NEMP2: variants seen among roughly 807,000 people sequenced by gnomAD.
The protein encoded by NEMP2 is nuclear envelope integral membrane protein 2.
A neutral mutation model predicts 54.2 loss-of-function variants in NEMP2; 53 were observed. The ratio of observed to expected loss-of-function variants is 0.98; its 90% CI spans 0.78 to 1.23. The LOEUF (loss-of-function observed/expected upper bound fraction) is 1.23, where lower values mean the gene tolerates loss of function less well. Among genes scored for constraint, NEMP2 ranks in the 50% most tolerant of loss-of-function variants. NEMP2 has a pLI of 0.00. For missense variants in NEMP2, 455 were observed against 511.3 expected, an observed-to-expected ratio of 0.89 and a Z score of 1.06; for synonymous variants, 197 against 190.3, an observed-to-expected ratio of 1.04 and a Z score of -0.29.
At chr2:190,500,114 G>C (rs150227947), downstream of NEMP2, 1 of 1,614,154 alleles carries the variant, frequency 6.2e-7, no homozygotes, top group East Asian at 2.2e-5. This position sits in a 1 kb window ranked among gnomAD's most constrained non-coding sequence, Gnocchi z 5.3. Flanking sequence ...ATCCCCTGAC[G>C]CAGCAGCATC....
In NEMP2 at chr2:190,508,798, T is replaced by C. The variant is rs375240060; in HGVS notation, c.*391A>G. The C allele has an allele frequency of 8.0e-4, 161 of 200,918 alleles. 2 individuals are homozygous for C. In the East Asian group the frequency reaches 8.1e-3, roughly 10 times the overall value. The allele number at this position is 200,918 out of a possible 1,614,324, so 12.4% of individuals were successfully genotyped here. A position where few individuals can be genotyped will look rare whatever the true frequency, so the allele number is the denominator to read the frequency against. ...TTTAAGGACTTATACTGACGAACTA[T>C]AGGAAGAGTATTGCAGAGTCTTCTG... On this transcript the variant is annotated 3_prime_UTR_variant, in exon 9 of 9. Transcript: ENST00000409150. This position sits in a 1 kb window ranked among gnomAD's most constrained non-coding sequence, Gnocchi z 4.3.
the NEMP2 span, among the ~76,000 whole-genome samples, chr2:190,470,564 C>G: frequency 2.0e-5 from 3 of 152,216 alleles, no homozygotes; most frequent in Non-Finnish European, 4.4e-5. Flanking sequence ...AGGTTCAGGA[C>G]AAGATCGCTG....
the NEMP2 span, among the ~76,000 whole-genome samples, chr2:190,628,973 C>T: frequency 6.6e-6 from 1 of 152,154 alleles, no homozygotes; most frequent in Non-Finnish European, 1.5e-5. The surrounding 1 kb of genome is among the most constrained non-coding windows in gnomAD (Gnocchi z 4.1). Flanking sequence ...TTTAACTATC[C>T]AAAATCTCAA....
the NEMP2 span, among the ~76,000 whole-genome samples, chr2:190,550,523 A>G: frequency 6.6e-6 from 1 of 152,220 alleles, no homozygotes; most frequent in African/African-American, 2.4e-5. This position sits in a 1 kb window ranked among gnomAD's most constrained non-coding sequence, Gnocchi z 4.7. Context: ...TCTCATAATT[A>G]CTCATTAACT....
the NEMP2 span, among the ~76,000 whole-genome samples, chr2:190,546,923 C>A: frequency 6.6e-6 from 1 of 152,224 alleles, no homozygotes; most frequent in Non-Finnish European, 1.5e-5. This position sits in a 1 kb window ranked among gnomAD's most constrained non-coding sequence, Gnocchi z 5.1. Context: ...CCACCACTCT[C>A]CACTTGTTGG....
At chr2:190,433,007 A>G in the NEMP2 span, among the ~76,000 whole-genome samples, 1 of 152,172 alleles carries the variant, frequency 6.6e-6, no homozygotes, top group South Asian at 2.1e-4. The surrounding 1 kb of genome is among the most constrained non-coding windows in gnomAD (Gnocchi z 4.5). Context: ...GTTTTCTCAG[A>G]TCTACCAAGT....
the NEMP2 span, among the ~76,000 whole-genome samples, chr2:190,593,726 T>C: frequency 1.3e-5 from 2 of 152,318 alleles, no homozygotes; most frequent in South Asian, 2.1e-4. The surrounding 1 kb of genome is among the most constrained non-coding windows in gnomAD (Gnocchi z 4.5). Context: ...ACAGAACTGT[T>C]GCTATATAAT....
At chr2:190,478,862 C>T in the NEMP2 span, among the ~76,000 whole-genome samples, 32 of 152,050 alleles carry the variant, frequency 2.1e-4, no homozygotes, top group South Asian at 4.2e-4. Context: ...AAGTCTGTCT[C>T]TTTATCCTAC....
the NEMP2 span, among the ~76,000 whole-genome samples, chr2:190,593,160 G>A: frequency 6.6e-6 from 1 of 152,098 alleles, no homozygotes; most frequent in Non-Finnish European, 1.5e-5. This position sits in a 1 kb window ranked among gnomAD's most constrained non-coding sequence, Gnocchi z 4.5. Context: ...TTTTGCTTAT[G>A]TTTGTAAAAC....
chr2:190,485,980 T>C, the NEMP2 span, among the ~76,000 whole-genome samples: 3 of 152,238 alleles, frequency 2.0e-5, no homozygotes, highest in Non-Finnish European at 4.4e-5. The surrounding 1 kb of genome is among the most constrained non-coding windows in gnomAD (Gnocchi z 5.1). Flanking sequence ...TTTTTTATTA[T>C]GCCAGATATT....
chr2:190,432,724 CTG>C, the NEMP2 span, among the ~76,000 whole-genome samples: 1 of 152,112 alleles, frequency 6.6e-6, no homozygotes, highest in Non-Finnish European at 1.5e-5. Context: ...GCCAAAATCT[CTG>C]TGTTTTACTT....
the NEMP2 span, among the ~76,000 whole-genome samples, chr2:190,486,919 T>TTA: frequency 2.6e-5 from 4 of 152,244 alleles, no homozygotes; most frequent in Non-Finnish European, 4.4e-5. Flanking sequence ...ATGCAGTTAC[T>TTA]ACATAATAAG....
the NEMP2 span, chr2:190,648,396 G>A: frequency 6.6e-6 from 1 of 152,240 alleles, no homozygotes; most frequent in Non-Finnish European, 1.5e-5. Context: ...CTTCCTCCAT[G>A]CGGTCGCTGC....
the NEMP2 span, among the ~76,000 whole-genome samples, chr2:190,596,087 A>G: frequency 6.6e-6 from 1 of 152,222 alleles, no homozygotes; most frequent in Non-Finnish European, 1.5e-5. This position sits in a 1 kb window ranked among gnomAD's most constrained non-coding sequence, Gnocchi z 5.1. Context: ...GGATGAGTTC[A>G]TGTCTTTTGT....
chr2:190,526,977 T>C (rs916378403), intron 1 of NEMP2, among the ~76,000 whole-genome samples: 1 of 152,196 alleles, frequency 6.6e-6, no homozygotes, highest in Non-Finnish European at 1.5e-5. Context: ...TAGAAAGTAA[T>C]GATGTTCATT....
At chr2:190,466,568 AGAT>A in the NEMP2 span, among the ~76,000 whole-genome samples, 2 of 152,094 alleles carry the variant, frequency 1.3e-5, no homozygotes, top group Admixed American at 6.5e-5. Flanking sequence ...CTTTTCCTTA[AGAT>A]GATGATGATG....
chr2:190,461,905 A>G, the NEMP2 span, among the ~76,000 whole-genome samples: 3 of 152,182 alleles, frequency 2.0e-5, no homozygotes, highest in Admixed American at 2.0e-4. This position sits in a 1 kb window ranked among gnomAD's most constrained non-coding sequence, Gnocchi z 5.5. Flanking sequence ...TGAGAGCAGA[A>G]GTCTTTTAAT....
At chr2:190,569,413 A>G in the NEMP2 span, among the ~76,000 whole-genome samples, 4 of 152,240 alleles carry the variant, frequency 2.6e-5, no homozygotes, top group African/African-American at 9.6e-5. Flanking sequence ...TAAAAAAAGG[A>G]AAGTCCAGGA....
At chr2:190,557,874 G>A in the NEMP2 span, among the ~76,000 whole-genome samples, 1 of 152,180 alleles carries the variant, frequency 6.6e-6, no homozygotes, top group African/African-American at 2.4e-5. Flanking sequence ...CACTGTTGGT[G>A]GGAGTGTAAA....
Sources: allele counts gnomAD v4.1 joint callset (sites outside exome capture counted in the v4.1 genomes callset), GRCh38; gene constraint gnomAD v4.1.1; non-coding constraint Gnocchi (gnomAD v3.1); transcripts MANE v1.5; gene names NCBI Gene and HGNC (gene_info 2026-07-23, HGNC 2026-07-21).